The following CHL1 variants were observed in gnomAD, a reference collection of about 807,000 sequenced individuals.
The protein encoded by CHL1 is cell adhesion molecule L1 like, also known as neural cell adhesion molecule L1-like protein.
Under a neutral mutation model 141.9 loss-of-function variants are expected in CHL1, and 96 were observed. The observed-to-expected ratio is 0.68, with a 90% CI of 0.57 to 0.80. The LOEUF (loss-of-function observed/expected upper bound fraction) is 0.80, where lower values mean the gene tolerates loss of function less well. CHL1 is among the 30% of genes least tolerant of loss of function. CHL1 has a pLI of 0.00. For missense variants in CHL1, 1,820 were observed against 1,457.2 expected (o/e 1.25, Z -4.05); for synonymous variants, 613 against 502.2 (o/e 1.22, Z -2.95).
chr3:339,573 A>C (rs945395759), intron 5 of CHL1, among the ~76,000 whole-genome samples: 1 of 152,190 alleles, frequency 6.6e-6, no homozygotes, highest in African/African-American at 2.4e-5. Flanking sequence ...CCGAAATTGC[A>C]AAGGCAGTGT....
At chr3:376,132 CTTTTTAA>C (rs1706284879) in intron 15 of CHL1, among the ~76,000 whole-genome samples, 1 of 152,104 alleles carries the variant, frequency 6.6e-6, no homozygotes, top group Admixed American at 6.5e-5. Flanking sequence ...AATGATACAA[CTTTTTAA>C]AGCAGAATCC....
chr3:369,680 T>C (rs1452485594), intron 15 of CHL1, among the ~76,000 whole-genome samples: 1 of 152,236 alleles, frequency 6.6e-6, no homozygotes, highest in Non-Finnish European at 1.5e-5. Flanking sequence ...TGTACTAGTT[T>C]GCCAAGGGAA....
intron 2 of CHL1, among the ~76,000 whole-genome samples, chr3:255,662 A>C (rs572411497): frequency 3.9e-5 from 6 of 152,202 alleles, no homozygotes; most frequent in Non-Finnish European, 8.8e-5. Context: ...TAAATGGATC[A>C]TCTGTGTACT....
At chr3:350,246 A>C (rs915231681) in intron 10 of CHL1, among the ~76,000 whole-genome samples, 2 of 152,220 alleles carry the variant, frequency 1.3e-5, no homozygotes, top group African/African-American at 4.8e-5. Flanking sequence ...TATAGGAATA[A>C]GTAGGCAAAG....
At chr3:382,344 T>A in intron 17 of CHL1, 64 bp downstream of exon 17, 1 of 1,504,060 alleles carries the variant, frequency 6.6e-7, no homozygotes, top group Non-Finnish European at 9.2e-7. Context: ...GCGAAGTCAC[T>A]TTTTAACCAC....
chr3:394,786 C>T lies in CHL1; in HGVS notation c.3008C>T (p.Thr1003Ile). Residue 1003 changes from threonine (T) to isoleucine (I), a missense_variant, in exon 24 of 28, where the codon ACC (threonine) becomes ATC (isoleucine). Coordinates refer to ENST00000256509, the MANE Select transcript of CHL1 (RefSeq NM_006614.4). Reference protein sequence around the residue: ...SWHLSNLNATTKYKFYLRACT... With the variant: ...SWHLSNLNATIKYKFYLRACT... Reference sequence around the variant, plus strand: ...CACCTCTCAAACCTGAATGCAACTACCAAGTACAAATTCTACTTGAGGGCT... The same window carrying T: ...CACCTCTCAAACCTGAATGCAACTATCAAGTACAAATTCTACTTGAGGGCT... 6.2e-7 allele frequency: 1 copy of T among 1,613,912 alleles called. No individual in the cohort carries two copies. Among genetic ancestry groups the T allele is most frequent in the Non-Finnish European group, 8.5e-7 (1 of 1,179,838 alleles).
chr3:232,920 C>A (rs1016775573), intron 1 of CHL1, among the ~76,000 whole-genome samples: 1 of 152,068 alleles, frequency 6.6e-6, no homozygotes, highest in Non-Finnish European at 1.5e-5. Context: ...TAAAAGAAAC[C>A]AGGGAGCACT....
chr3:232,553 A>G (rs1461431065), intron 1 of CHL1, among the ~76,000 whole-genome samples: 1 of 152,086 alleles, frequency 6.6e-6, no homozygotes, highest in African/African-American at 2.4e-5. Flanking sequence ...TGCTCTGCTG[A>G]TTAGCTATTT....
At chr3:334,083 A>C (rs1701674794) in intron 5 of CHL1, among the ~76,000 whole-genome samples, 1 of 152,146 alleles carries the variant, frequency 6.6e-6, no homozygotes, top group Non-Finnish European at 1.5e-5. Flanking sequence ...AAACCTACCC[A>C]GTAGCTGGGA....
chr3:201,238 A>G (rs1468313215), intron 1 of CHL1, among the ~76,000 whole-genome samples: 1 of 152,216 alleles, frequency 6.6e-6, no homozygotes, highest in East Asian at 1.9e-4. Context: ...AGTAAACTAG[A>G]AAATTCTGTT....
intron 2 of CHL1, among the ~76,000 whole-genome samples, chr3:257,792 A>T (rs1047997833): frequency 1.3e-5 from 2 of 152,194 alleles, no homozygotes; most frequent in African/African-American, 4.8e-5. Flanking sequence ...TGGAGAACAT[A>T]TTAAGATATT....
At chr3:279,642 C>T (rs1696458123) in intron 2 of CHL1, among the ~76,000 whole-genome samples, 1 of 152,042 alleles carries the variant, frequency 6.6e-6, no homozygotes, top group Non-Finnish European at 1.5e-5. Context: ...AGTCCTTGTT[C>T]TATGGTTTTG....
intron 10 of CHL1, among the ~76,000 whole-genome samples, chr3:353,924 A>G (rs1232984341): frequency 6.6e-6 from 1 of 152,196 alleles, no homozygotes; most frequent in Non-Finnish European, 1.5e-5. Flanking sequence ...ACATAGAGTT[A>G]TAAAAACATG....
chr3:333,399 C>T (rs935255445), intron 5 of CHL1, among the ~76,000 whole-genome samples: 1 of 152,010 alleles, frequency 6.6e-6, no homozygotes, highest in Admixed American at 6.6e-5. Context: ...TCAAATGTTA[C>T]AGTTTCTACT....
At position 394,778 on chromosome 3, in the gene CHL1, T is replaced by G. The variant is rs1708531657; in HGVS notation, c.3000T>G (p.Asn1000Lys). 1 of 1,614,046 alleles carries G rather than the reference T, an allele frequency of 6.2e-7. No individual in the cohort carries two copies. Among genetic ancestry groups the G allele is most frequent in the East Asian group, 2.2e-5 (1 of 44,884 alleles). ...SKPSWHLSNL[N>K]ATTKYKFYLR... ...CCAGCTGGCACCTCTCAAACCTGAA[T>G]GCAACTACCAAGTACAAATTCTACT... is the stretch of plus-strand genomic sequence containing the variant. Residue 1000 changes from asparagine to lysine, a missense_variant, in exon 24 of 28, where the codon AAT becomes AAG. By Grantham distance (94) the Asn-to-Lys change is moderately conservative (BLOSUM62 0). Coordinates refer to ENST00000256509, the MANE Select transcript of CHL1 (RefSeq NM_006614.4).
At chr3:337,395 C>G (rs544177006) in intron 5 of CHL1, among the ~76,000 whole-genome samples, 1 of 151,582 alleles carries the variant, frequency 6.6e-6, no homozygotes, top group African/African-American at 2.4e-5. Flanking sequence ...ACTTTAAGTT[C>G]TAGGGTACAT....
intron 15 of CHL1, among the ~76,000 whole-genome samples, chr3:369,283 G>A (rs1467802399): frequency 6.6e-6 from 1 of 151,402 alleles, no homozygotes; most frequent in Non-Finnish European, 1.5e-5. Context: ...CTTGAGCAGT[G>A]GTTTGTAGTT....
At chr3:366,145 A>G in intron 15 of CHL1, 30 bp downstream of exon 15, 3 of 1,599,628 alleles carry the variant, frequency 1.9e-6, no homozygotes, top group Middle Eastern at 1.7e-4. Context: ...ATGTCATAAT[A>G]TTTGCTTGGG....
Position 196,996 on chromosome 3 carries a change from C to G in CHL1, c.-242C>G, listed in dbSNP as rs1259966032. 6.6e-6 allele frequency: 1 copy of G among 152,222 alleles called. No individual in the cohort carries two copies. The highest frequency in any genetic ancestry group is 1.5e-5 in the Non-Finnish European group (1 of 68,124). The allele number at this position is 152,222 out of a possible 1,614,324, so 9.4% of individuals were successfully genotyped here. On this transcript the variant is annotated 5_prime_UTR_variant, in exon 1 of 28. Coordinates refer to ENST00000256509, the MANE Select transcript of CHL1 (RefSeq NM_006614.4). ...CCCTGCGCGCCCCCGTCCCGGCTCC[C>G]GGCCGGCTCGGGGGAGAAGGCGCCC...
Sources: gnomAD v4.1 joint callset for allele counts (sites outside exome capture counted in the v4.1 genomes callset) on GRCh38, gnomAD v4.1.1 for gene constraint, MANE v1.5 for transcripts, NCBI Gene and HGNC (gene_info 2026-07-23, HGNC 2026-07-21) for gene names.